The following DIPK2B variants were observed in gnomAD, a reference collection of about 807,000 sequenced individuals.
The protein encoded by DIPK2B is divergent protein kinase domain 2B, also known as UPF0672 protein CXorf36.
A neutral mutation model predicts 22.2 loss-of-function variants in DIPK2B; 15 were observed. That is an observed-to-expected ratio of 0.68 (90% CI 0.45 to 1.04). The LOEUF (loss-of-function observed/expected upper bound fraction) is 1.04. Among genes scored for constraint, DIPK2B ranks in the 50% least tolerant of loss-of-function variants. DIPK2B has a pLI of 0.00. For synonymous variants in DIPK2B, 163 were observed against 153.2 expected, an observed-to-expected ratio of 1.06 and a Z score of -0.47; for missense variants, 345 against 348.3, an observed-to-expected ratio of 0.99 and a Z score of 0.08.
In DIPK2B at chrX:45,151,868, A is replaced by T; in HGVS notation, c.1086T>A (p.Cys362Ter). 8.3e-7 allele frequency: 1 copy of T among 1,211,024 alleles called. No homozygotes were observed. Among genetic ancestry groups the T allele is most frequent in the African/African-American group, 1.7e-5 (1 of 57,933 alleles). Residue 362 changes from cysteine to a stop codon, truncating the protein, a stop_gained, in exon 5 of 5, where the codon TGT (cysteine) becomes TGA (stop). Coordinates refer to ENST00000398000, the MANE Select transcript of DIPK2B (RefSeq NM_176819.4). LOFTEE classifies it high-confidence loss of function. ...ISEKQSLVLV[C>*]QKLLPRLLQG... The stretch of plus-strand genomic sequence containing the variant: ...GGAGAAGTCGAGGCAGCAACTTCTG[A>T]CACACCAGCACCAGGCTCTGCTTCT...
chrX:45,189,862 A>G (rs987851884), intron 2 of DIPK2B, among the ~76,000 whole-genome samples: 8 of 111,664 alleles, frequency 7.2e-5, no homozygotes, highest in Admixed American at 9.5e-5. Context: ...CCTTTTTTAT[A>G]AGGAAGGGAA....
chrX:45,154,320 T>TATCTA, intron 3 of DIPK2B, 122 bp from the exon 4 acceptor site: 1 of 567,986 alleles, frequency 1.8e-6, no homozygotes, highest in Non-Finnish European at 2.6e-6. Flanking sequence ...TCTATCTATC[T>TATCTA]GTCTATCTAT....
intron 2 of DIPK2B, among the ~76,000 whole-genome samples, chrX:45,160,923 G>C (rs1304814538): frequency 1.8e-5 from 2 of 112,194 alleles, no homozygotes; most frequent in Non-Finnish European, 3.8e-5. Context: ...CTGCATTTTA[G>C]GTAGGCATAT....
At chrX:45,199,437 C>T (rs2047256014) in intron 1 of DIPK2B, among the ~76,000 whole-genome samples, 1 of 111,076 alleles carries the variant, frequency 9.0e-6, no homozygotes, top group Non-Finnish European at 1.9e-5. Context: ...GCCCCAATTC[C>T]TTGGCATGGC....
chrX:45,178,897 C>A (rs1166541964), intron 2 of DIPK2B, among the ~76,000 whole-genome samples: 1 of 111,518 alleles, frequency 9.0e-6, no homozygotes, highest in African/African-American at 3.3e-5. Flanking sequence ...ATATCCTGGG[C>A]TTTCAATCGG....
chrX:45,165,533 C>T (rs5952296), intron 2 of DIPK2B, among the ~76,000 whole-genome samples: 33,093 of 108,993 alleles, frequency 0.3, 4,585 homozygotes, highest in African/African-American at 0.52. Flanking sequence ...ATTGACTGTC[C>T]AAGGGCCATG....
At chrX:45,199,990 C>T (rs917147846) in intron 1 of DIPK2B, among the ~76,000 whole-genome samples, 7 of 112,282 alleles carry the variant, frequency 6.2e-5, no homozygotes, top group Non-Finnish European at 9.4e-5. Flanking sequence ...TGGAGCAAAC[C>T]GTCCTGGTTT....
chrX:45,163,346 C>T, intron 2 of DIPK2B: 3 of 677,350 alleles, frequency 4.4e-6, no homozygotes, highest in Non-Finnish European at 5.3e-6. Context: ...GTATCTCCTA[C>T]TGGTTCTGTT....
intron 2 of DIPK2B, among the ~76,000 whole-genome samples, chrX:45,176,842 T>C (rs2148343460): frequency 9.0e-6 from 1 of 111,612 alleles, no homozygotes; most frequent in South Asian, 3.8e-4. Flanking sequence ...AGTTGTCTCT[T>C]CTCCAAGATA....
chrX:45,171,698 C>T (rs767723782), intron 2 of DIPK2B, among the ~76,000 whole-genome samples: 3 of 112,457 alleles, frequency 2.7e-5, no homozygotes, highest in Non-Finnish European at 3.8e-5. Flanking sequence ...TTAGGCCACA[C>T]CCCCTCCAGG....
intron 2 of DIPK2B, among the ~76,000 whole-genome samples, chrX:45,177,226 G>C (rs1158865053): frequency 9.1e-6 from 1 of 109,395 alleles, no homozygotes; most frequent in Non-Finnish European, 1.9e-5. Context: ...AGTATCTCTT[G>C]AGTCTAGGAG....
chrX:45,164,212 C>T (rs2148336990), intron 2 of DIPK2B: 11 of 1,203,376 alleles, frequency 9.1e-6, no homozygotes, highest in South Asian at 1.8e-5. Context: ...TCTCAGCATA[C>T]ACAGGAACTT....
At chrX:45,161,492 T>G (rs914799994) in intron 2 of DIPK2B, among the ~76,000 whole-genome samples, 1 of 112,269 alleles carries the variant, frequency 8.9e-6, no homozygotes, top group Non-Finnish European at 1.9e-5. Flanking sequence ...CAGTGAGCCA[T>G]GATCGTGATA....
rs191747981 is a variant in DIPK2B at position 45,196,467 on chromosome X, C to T, written c.233+4127G>A. Among the ~76,000 whole-genome samples, 576 of 111,626 alleles carry T rather than the reference C, an allele frequency of 5.2e-3. 2 individuals carry two copies. Among genetic ancestry groups the T allele is most frequent in the African/African-American group, 0.018 (546 of 30,656 alleles). On this transcript the variant is annotated intron_variant, in intron 1 of 4. Transcript: ENST00000398000. ...TGAGGGCAAGGAGACAGACAAGAGA[C>T]AAGGGAGAAGGGAAGGCAAAATCAG...
chrX:45,197,482 C>A (rs80024553), intron 1 of DIPK2B, among the ~76,000 whole-genome samples: 3 of 111,438 alleles, frequency 2.7e-5, no homozygotes, highest in Non-Finnish European at 3.8e-5. Context: ...GTGATTTGCC[C>A]GCCTCGGCCT....
chrX:45,188,092 A>G (rs971082509), intron 2 of DIPK2B, among the ~76,000 whole-genome samples: 1 of 111,825 alleles, frequency 8.9e-6, no homozygotes, highest in African/African-American at 3.3e-5. Context: ...CGCATCCTAT[A>G]ATAGCTCCCC....
chrX:45,163,049 C>G, intron 2 of DIPK2B: 3 of 511,183 alleles, frequency 5.9e-6, no homozygotes, highest in Non-Finnish European at 7.2e-6. Context: ...GAATGCTAAT[C>G]TAGGTGTTGC....
chrX:45,199,013 C>T (rs972962172), intron 1 of DIPK2B, among the ~76,000 whole-genome samples: 1 of 111,452 alleles, frequency 9.0e-6, no homozygotes, highest in African/African-American at 3.3e-5. Flanking sequence ...TCCCAAATCA[C>T]AGGTCTCATG....
chrX:45,180,459 C>T lies in DIPK2B; in HGVS notation c.498+11292G>A, dbSNP rs1467272344. Among the ~76,000 whole-genome samples, 4 of 111,601 alleles carry T rather than the reference C, an allele frequency of 3.6e-5. No individual in the cohort carries two copies. The East Asian group carries it at 1.1e-3, about 31-fold the overall frequency. On this transcript the variant is annotated intron_variant, in intron 2 of 4. Coordinates refer to ENST00000398000, the MANE Select transcript of DIPK2B (RefSeq NM_176819.4). ...GAACAAAATGATTATGCTACTATCACCACTCTTATTTGTCAATGTATTGGA... is the reference window on the plus strand; with the variant it reads ...GAACAAAATGATTATGCTACTATCATCACTCTTATTTGTCAATGTATTGGA...
Sources: gnomAD v4.1 joint callset for allele counts (sites outside exome capture counted in the v4.1 genomes callset) on GRCh38, gnomAD v4.1.1 for gene constraint, MANE v1.5 for transcripts, NCBI Gene and HGNC (gene_info 2026-07-23, HGNC 2026-07-21) for gene names.